The following ZNF385D variants were observed in gnomAD, a reference collection of about 807,000 sequenced individuals.
ZNF385D encodes zinc finger protein 385D.
ZNF385D carries 15 observed loss-of-function variants against 35.8 expected under a neutral mutation model. The ratio of observed to expected loss-of-function variants is 0.42; its 90% confidence interval spans 0.28 to 0.64. The LOEUF is 0.64. ZNF385D is among the 30% of genes least tolerant of loss of function. The pLI is 0.23. For missense variants in ZNF385D, 474 were observed against 494.6 expected (o/e 0.96, Z 0.39); for synonymous variants, 212 against 186.8 (o/e 1.13, Z -1.10).
chr3:22,363,309 G>A (rs759681263), intron 2 of ZNF385D, among the ~76,000 whole-genome samples: 6 of 152,050 alleles, frequency 3.9e-5, no homozygotes, highest in Admixed American at 1.3e-4. Context: ...GTCAGAATAC[G>A]TGAGCTCAAG....
chr3:21,692,348 C>G lies in ZNF385D; in HGVS notation c.23-27320G>C, dbSNP rs1348974095. Among the ~76,000 whole-genome samples the G allele has an allele frequency of 8.5e-5, 13 of 152,192 alleles. 1 individual carries two copies. Among genetic ancestry groups the G allele is most frequent in the Non-Finnish European group, 1.6e-4 (11 of 68,022 alleles). On this transcript the variant is annotated intron_variant, in intron 1 of 7. Transcript: ENST00000281523. Reference sequence around the variant, plus strand: ...CCTGACTCCATCTCACACACTCCCACTTTGCTGGATTTTCTAATACATCCA... The same window carrying G: ...CCTGACTCCATCTCACACACTCCCAGTTTGCTGGATTTTCTAATACATCCA...
chr3:21,483,627 A>T (rs565244222), intron 4 of ZNF385D, among the ~76,000 whole-genome samples: 1 of 152,148 alleles, frequency 6.6e-6, no homozygotes, highest in Non-Finnish European at 1.5e-5. Context: ...AGGTGTGTAG[A>T]GGTATCTTAT....
chr3:21,473,827 G>T (rs1704053868), intron 4 of ZNF385D, among the ~76,000 whole-genome samples: 1 of 151,928 alleles, frequency 6.6e-6, no homozygotes, highest in Non-Finnish European at 1.5e-5. Context: ...ACTTTTCCTG[G>T]TTAATCAATC....
At chr3:22,213,044 T>A (rs76852842) in intron 2 of ZNF385D, among the ~76,000 whole-genome samples, 2,261 of 152,132 alleles carry the variant, frequency 0.015, 52 homozygotes, top group African/African-American at 0.051. Flanking sequence ...TAAATGCAAG[T>A]TAATATGTGG....
chr3:21,554,109 T>G (rs2062653106), intron 3 of ZNF385D, among the ~76,000 whole-genome samples: 1 of 152,208 alleles, frequency 6.6e-6, no homozygotes, highest in Admixed American at 6.5e-5. Context: ...CAGAAGGTTT[T>G]CAATTTACTT....
intron 2 of ZNF385D, among the ~76,000 whole-genome samples, chr3:22,277,187 C>A (rs1458271870): frequency 5.9e-5 from 9 of 151,974 alleles, no homozygotes; most frequent in Non-Finnish European, 4.4e-5. Flanking sequence ...GGGAAGCAGG[C>A]AAGTAAGGGA....
chr3:22,029,092 T>C (rs992781518), intron 3 of ZNF385D, among the ~76,000 whole-genome samples: 4 of 152,066 alleles, frequency 2.6e-5, no homozygotes, highest in Non-Finnish European at 5.9e-5. Flanking sequence ...AGGTCTTAGT[T>C]CCAGAGGGAG....
intron 3 of ZNF385D, among the ~76,000 whole-genome samples, chr3:22,028,039 G>C (rs566474571): frequency 6.6e-6 from 1 of 152,132 alleles, no homozygotes; most frequent in Non-Finnish European, 1.5e-5. Flanking sequence ...TGCATGTAAG[G>C]AGAAATGGTC....
intron 3 of ZNF385D, among the ~76,000 whole-genome samples, chr3:21,770,624 C>T (rs895602194): frequency 1.3e-5 from 2 of 152,156 alleles, no homozygotes; most frequent in Non-Finnish European, 2.9e-5. Flanking sequence ...AATAGGGACA[C>T]TTTTACACTG....
At chr3:21,949,761 G>A (rs764289550) in intron 3 of ZNF385D, among the ~76,000 whole-genome samples, 4 of 151,778 alleles carry the variant, frequency 2.6e-5, no homozygotes, top group African/African-American at 9.7e-5. Context: ...ACGCGTCCAT[G>A]TGTTCTCATT....
chr3:21,566,837 G>A (rs2063165386), intron 2 of ZNF385D, among the ~76,000 whole-genome samples: 1 of 152,070 alleles, frequency 6.6e-6, no homozygotes, highest in Non-Finnish European at 1.5e-5. Flanking sequence ...ACCCCTCTGT[G>A]GTCATTCTCT....
chr3:21,551,763 T>C (rs2062575287), intron 3 of ZNF385D, among the ~76,000 whole-genome samples: 1 of 152,158 alleles, frequency 6.6e-6, no homozygotes, highest in Non-Finnish European at 1.5e-5. Context: ...GGAAAAAACC[T>C]ACACCAGGAA....
intron 4 of ZNF385D, 141 bp from the exon 5 acceptor site, chr3:21,437,344 C>T: frequency 1.5e-6 from 1 of 687,020 alleles, no homozygotes; most frequent in Non-Finnish European, 2.3e-6. Flanking sequence ...ATGCATCAAT[C>T]ACCTCACAAA....
intron 3 of ZNF385D, among the ~76,000 whole-genome samples, chr3:21,826,482 A>G (rs1487141704): frequency 3.3e-5 from 5 of 152,178 alleles, no homozygotes; most frequent in East Asian, 1.9e-4. Context: ...AGAGTTGTTG[A>G]TGTCTAAACA....
chr3:22,227,648 G>A (rs904218446), intron 2 of ZNF385D, among the ~76,000 whole-genome samples: 13 of 152,246 alleles, frequency 8.5e-5, no homozygotes, highest in African/African-American at 2.9e-4. Context: ...GGGAAGAGAT[G>A]AAAGCACCTC....
chr3:21,776,401 C>T (rs923050440), intron 3 of ZNF385D, among the ~76,000 whole-genome samples: 2 of 151,890 alleles, frequency 1.3e-5, no homozygotes, highest in Admixed American at 1.3e-4. Context: ...CCGTGTGTGA[C>T]GGCTCAGTTT....
chr3:21,473,091 C>T (rs988720312), intron 4 of ZNF385D, among the ~76,000 whole-genome samples: 29 of 152,124 alleles, frequency 1.9e-4, no homozygotes, highest in African/African-American at 6.5e-4. Flanking sequence ...CTAATCTACT[C>T]CCTACATTAA....
intron 3 of ZNF385D, among the ~76,000 whole-genome samples, chr3:22,136,131 C>A (rs1704085116): frequency 6.6e-6 from 1 of 152,144 alleles, no homozygotes; most frequent in African/African-American, 2.4e-5. Flanking sequence ...TGCCTATAAT[C>A]CTAGCACTTT....
intron 2 of ZNF385D, among the ~76,000 whole-genome samples, chr3:21,601,816 T>G (rs1313834848): frequency 1.3e-5 from 2 of 152,110 alleles, no homozygotes; most frequent in Non-Finnish European, 1.5e-5. Context: ...GATACCTTGG[T>G]GGTGAGGTGC....
Sources: gnomAD v4.1 joint callset for allele counts (sites outside exome capture counted in the v4.1 genomes callset) on GRCh38, gnomAD v4.1.1 for gene constraint, MANE v1.5 for transcripts, NCBI Gene and HGNC (gene_info 2026-07-23, HGNC 2026-07-21) for gene names.